Variants in PLA2R1 observed in about 807,000 individuals in gnomAD.
The protein encoded by PLA2R1 is phospholipase A2 receptor 1, also known as secretory phospholipase A2 receptor.
PLA2R1 carries 158 observed loss-of-function variants against 195.9 expected under a neutral mutation model. That is an observed-to-expected ratio of 0.81 (90% CI 0.71 to 0.92). PLA2R1 has a LOEUF of 0.92. Ranked by LOEUF, PLA2R1 falls within the 40% of genes least tolerant of loss-of-function variation. The pLI is 0.00. For synonymous variants in PLA2R1, 586 were observed against 598.2 expected, an observed-to-expected ratio of 0.98 and a Z score of 0.30; for missense variants, 1,626 against 1,764.6, an observed-to-expected ratio of 0.92 and a Z score of 1.41.
rs1214497941 is a variant in PLA2R1 at position 159,935,074 on chromosome 2, T to C, written c.*6704A>G. 5.3e-5 allele frequency: 8 copies of C among 152,208 alleles called. No individual in the cohort carries two copies. The highest frequency in any genetic ancestry group is 1.9e-4 in the African/African-American group (8 of 41,438). 9.4% of individuals were successfully genotyped at this position (152,208 alleles called of 1,614,324 possible). A position where few individuals can be genotyped will look rare whatever the true frequency, so the allele number is the denominator to read the frequency against. ...GGATTTGTCTAATGTTTTTTCATGA[T>C]TGAGATTATGCATTTTGGGGAGGAT... On this transcript the variant is annotated 3_prime_UTR_variant, in exon 30 of 30. Coordinates refer to ENST00000283243, the MANE Select transcript of PLA2R1 (RefSeq NM_007366.5).
intron 28 of PLA2R1, among the ~76,000 whole-genome samples, chr2:159,944,597 T>C (rs1416936085): frequency 2.6e-5 from 4 of 152,164 alleles, no homozygotes; most frequent in Admixed American, 6.5e-5. Flanking sequence ...AGAATGAAGG[T>C]TGCTGGTTTA....
At chr2:160,036,394 C>T (rs868261795) in intron 3 of PLA2R1, among the ~76,000 whole-genome samples, 16 of 152,292 alleles carry the variant, frequency 1.1e-4, no homozygotes, top group South Asian at 1.0e-3. Context: ...GGTTAAAAAC[C>T]TATATGTGAT....
chr2:159,961,737 G>C (rs1463733009), intron 20 of PLA2R1, among the ~76,000 whole-genome samples: 1 of 152,092 alleles, frequency 6.6e-6, no homozygotes, highest in Non-Finnish European at 1.5e-5. Flanking sequence ...CATTCCCATA[G>C]ATACACACTC....
At chr2:160,031,937 T>C (rs1693876750) in intron 4 of PLA2R1, among the ~76,000 whole-genome samples, 1 of 152,190 alleles carries the variant, frequency 6.6e-6, no homozygotes, top group Non-Finnish European at 1.5e-5. Flanking sequence ...CGGCAAATTT[T>C]TGTATTTTTA....
At chr2:159,996,846 T>G (rs1691247210) in intron 11 of PLA2R1, among the ~76,000 whole-genome samples, 1 of 152,170 alleles carries the variant, frequency 6.6e-6, no homozygotes. Context: ...TCATTTCTGT[T>G]ATGGTGTTTT....
chr2:160,046,161 G>A (rs995256268), intron 1 of PLA2R1, among the ~76,000 whole-genome samples: 1 of 152,238 alleles, frequency 6.6e-6, no homozygotes, highest in African/African-American at 2.4e-5. Context: ...TAAGTATGGA[G>A]TGTGCTGGGC....
intron 11 of PLA2R1, among the ~76,000 whole-genome samples, chr2:159,993,725 T>C (rs1191814576): frequency 2.0e-5 from 3 of 151,972 alleles, no homozygotes; most frequent in Non-Finnish European, 4.4e-5. Flanking sequence ...CTTGAAGAGA[T>C]TCCCATCACA....
chr2:160,044,444 T>G (rs1573964997), intron 2 of PLA2R1, among the ~76,000 whole-genome samples: 3 of 152,150 alleles, frequency 2.0e-5, no homozygotes, highest in East Asian at 3.9e-4. Context: ...TCAAAGATCT[T>G]TTCCTTCCAC....
rs375445669 is a variant in PLA2R1 at position 159,967,575 on chromosome 2, T to C, written c.2868A>G (p.Gly956=). 75 of 1,613,668 alleles carry C rather than the reference T, an allele frequency of 4.6e-5. No individual in the cohort carries two copies. The highest frequency in any genetic ancestry group is 5.5e-5 in the Non-Finnish European group (65 of 1,179,742). ...AATATAGCCATCCTTTGGGACACGT[T>C]CCATGTTGTTTTGGTGTATCTTTCT... ...EKKKDTPKQH[G]TCPKGWLYFN... is the part of the protein sequence containing the mutation. The change falls in exon 20 of 30, where the codon GGA becomes GGG. Residue 956 remains glycine, a synonymous_variant. Transcript: ENST00000283243.
At chr2:159,957,490 G>T (rs1202930707) in intron 20 of PLA2R1, among the ~76,000 whole-genome samples, 1 of 152,060 alleles carries the variant, frequency 6.6e-6, no homozygotes, top group Admixed American at 6.6e-5. Context: ...GAGTAACTGG[G>T]ACTACAGGTG....
At chr2:160,005,528 C>T in intron 11 of PLA2R1, 124 bp downstream of exon 11, 2 of 683,304 alleles carry the variant, frequency 2.9e-6, no homozygotes, top group Non-Finnish European at 5.0e-6. Context: ...CTGTGTTGAT[C>T]CTTGTAATTG....
rs1251865510 is a variant in PLA2R1, at chr2:159,939,967, G to A, written c.*1811C>T. ...AGTCCCAATACTTAAAAAAATTATG[G>A]AGGTAGACTGTCCCAGTGTGTAAAT... On this transcript the variant is annotated 3_prime_UTR_variant, in exon 30 of 30. Coordinates refer to ENST00000283243, the MANE Select transcript of PLA2R1 (RefSeq NM_007366.5). 3 of 152,160 alleles carry A rather than the reference G, an allele frequency of 2.0e-5. No individual in the cohort carries two copies. Among genetic ancestry groups the A allele is most frequent in the Non-Finnish European group, 4.4e-5 (3 of 68,030 alleles). 9.4% of individuals were successfully genotyped at this position (152,160 alleles called of 1,614,324 possible).
Position 160,062,369 on chromosome 2 carries a change from AGCAGCAGCAGCAGCAGCGACG to A in PLA2R1, c.14_34del (p.Pro5_Leu11del), listed in dbSNP as rs1268831155. 6.5e-7 allele frequency: 1 copy of A among 1,534,904 alleles called. No individual in the cohort carries two copies. The highest frequency in any genetic ancestry group is 8.8e-7 in the Non-Finnish European group (1 of 1,139,584). Reference sequence around the variant, plus strand: ...GGCGCAGCCCCGCGGCGCCCCCAGCAGCAGCAGCAGCAGCAGCGACGGCGACAGCAGCATCGCTAACCACTG... The same window carrying A: ...GGCGCAGCCCCGCGGCGCCCCCAGCAGCGACAGCAGCATCGCTAACCACTG... On this transcript the variant is annotated inframe_deletion, in exon 1 of 30. Coordinates refer to ENST00000283243, the MANE Select transcript of PLA2R1 (RefSeq NM_007366.5).
chr2:160,062,265 C>G (rs1280112725), intron 1 of PLA2R1, 30 bp downstream of exon 1: 2 of 1,381,886 alleles, frequency 1.4e-6, no homozygotes, highest in Non-Finnish European at 9.5e-7. Flanking sequence ...CCCAACGTAC[C>G]GATCCAGTCC....
At chr2:159,992,954 T>C (rs773853390) in intron 11 of PLA2R1, among the ~76,000 whole-genome samples, 4 of 152,262 alleles carry the variant, frequency 2.6e-5, no homozygotes, top group African/African-American at 7.2e-5. Flanking sequence ...GCCTGAGTTA[T>C]GGAGGGCTGC....
chr2:159,964,648 C>G (rs1005274128), intron 20 of PLA2R1, among the ~76,000 whole-genome samples: 5 of 152,146 alleles, frequency 3.3e-5, no homozygotes, highest in African/African-American at 1.2e-4. Flanking sequence ...TAGAAAATAT[C>G]TCATGGTGCC....
chr2:159,963,482 A>G (rs1278421791), intron 20 of PLA2R1, among the ~76,000 whole-genome samples: 1 of 152,232 alleles, frequency 6.6e-6, no homozygotes, highest in Non-Finnish European at 1.5e-5. Flanking sequence ...ATATTTATAA[A>G]TCACATATTG....
chr2:159,980,939 T>G (rs1482693241), intron 13 of PLA2R1, among the ~76,000 whole-genome samples: 3 of 152,188 alleles, frequency 2.0e-5, no homozygotes, highest in Admixed American at 2.0e-4. Context: ...TGATGCCCGG[T>G]TGGACATTGT....
rs756616164 is a variant in PLA2R1 at position 159,949,697 on chromosome 2, C to T, written c.3620G>A (p.Gly1207Asp). ...FWKDEESSLLGDCVFADSNGR... is the reference protein window; with the variant it reads ...FWKDEESSLLDDCVFADSNGR... The stretch of plus-strand genomic sequence containing the variant: ...GTTGCTGTCGGCAAAAACGCAGTCA[C>T]CAAGGAGGGAGGACTCCTCATCTTT... The change falls in exon 25 of 30, where the codon GGT becomes GAT. Residue 1207 changes from glycine (G) to aspartate (D), a missense_variant. Coordinates refer to ENST00000283243, the MANE Select transcript of PLA2R1 (RefSeq NM_007366.5). 34 of 1,613,780 alleles carry T rather than the reference C, an allele frequency of 2.1e-5. 1 individual carries two copies. The South Asian group carries it at 3.6e-4, about 17-fold the overall frequency.
Sources: allele counts gnomAD v4.1 joint callset (sites outside exome capture counted in the v4.1 genomes callset), GRCh38; gene constraint gnomAD v4.1.1; transcripts MANE v1.5; gene names NCBI Gene and HGNC (gene_info 2026-07-23, HGNC 2026-07-21).